CDH12: variants seen among roughly 807,000 people sequenced by gnomAD.
The protein encoded by CDH12 is cadherin-12.
Under a neutral mutation model 74.1 loss-of-function variants are expected in CDH12, and 41 were observed. The observed-to-expected ratio is 0.55, with a 90% CI of 0.43 to 0.72. CDH12 has a LOEUF of 0.72. Ranked by LOEUF, CDH12 falls within the 30% of genes least tolerant of loss-of-function variation. CDH12 has a pLI of 0.00. For missense variants in CDH12, 945 were observed against 977.2 expected (o/e 0.97, Z 0.44); for synonymous variants, 399 against 355.0 (o/e 1.12, Z -1.39).
chr5:22,596,946 C>T (rs747292108), intron 1 of CDH12, among the ~76,000 whole-genome samples: 14 of 152,102 alleles, frequency 9.2e-5, no homozygotes, highest in Non-Finnish European at 1.5e-4. Flanking sequence ...ATATCCAGGG[C>T]CAAAGCCTGT....
At chr5:22,630,977 A>G (rs1260750925) in intron 1 of CDH12, among the ~76,000 whole-genome samples, 1 of 152,194 alleles carries the variant, frequency 6.6e-6, no homozygotes, top group African/African-American at 2.4e-5. Context: ...TTGTGGGAAA[A>G]GTGCATGGAC....
intron 1 of CDH12, among the ~76,000 whole-genome samples, chr5:22,787,465 T>C (rs1249404907): frequency 6.6e-6 from 1 of 152,132 alleles, no homozygotes; most frequent in African/African-American, 2.4e-5. Flanking sequence ...TTATGAATTT[T>C]TGTGCTAATC....
At chr5:22,727,508 ATTG>A (rs751767931) in intron 1 of CDH12, among the ~76,000 whole-genome samples, 135 of 151,662 alleles carry the variant, frequency 8.9e-4, no homozygotes, top group Admixed American at 1.3e-3. Context: ...TATATATGAC[ATTG>A]TTGTTTATAT....
At chr5:22,748,477 A>G (rs992381047) in intron 1 of CDH12, among the ~76,000 whole-genome samples, 1 of 152,148 alleles carries the variant, frequency 6.6e-6, no homozygotes, top group Non-Finnish European at 1.5e-5. Context: ...GTCTCAAAAC[A>G]TTGACCTGCT....
At chr5:22,717,895 C>G (rs1202540567) in intron 1 of CDH12, among the ~76,000 whole-genome samples, 2 of 152,056 alleles carry the variant, frequency 1.3e-5, no homozygotes, top group Non-Finnish European at 2.9e-5. Flanking sequence ...TGCCTAAAAA[C>G]TAATATCTAC....
At chr5:22,265,501 G>A (rs769273750) in intron 3 of CDH12, among the ~76,000 whole-genome samples, 5 of 152,092 alleles carry the variant, frequency 3.3e-5, no homozygotes, top group Non-Finnish European at 7.4e-5. Flanking sequence ...TCTCTCGTAT[G>A]TAGTTTTCTT....
intron 3 of CDH12, among the ~76,000 whole-genome samples, chr5:22,216,728 C>T (rs1430255841): frequency 2.0e-5 from 3 of 151,736 alleles, no homozygotes; most frequent in South Asian, 2.1e-4. Context: ...TTTTTGATTC[C>T]GGTTTCACGC....
intron 2 of CDH12, among the ~76,000 whole-genome samples, chr5:22,438,390 T>C (rs1190433036): frequency 6.6e-6 from 1 of 152,018 alleles, no homozygotes; most frequent in Non-Finnish European, 1.5e-5. Context: ...GGAAGTGTTA[T>C]TGCGTGAATG....
chr5:21,950,333 C>A (rs1338256520), intron 6 of CDH12, among the ~76,000 whole-genome samples: 1 of 152,058 alleles, frequency 6.6e-6, no homozygotes, highest in Non-Finnish European at 1.5e-5. Flanking sequence ...AGTGATGCAA[C>A]ATTGTATTTA....
At chr5:22,192,348 A>G (rs1750354237) in intron 4 of CDH12, among the ~76,000 whole-genome samples, 1 of 152,192 alleles carries the variant, frequency 6.6e-6, no homozygotes, top group Non-Finnish European at 1.5e-5. Context: ...CAAATCTGTA[A>G]AGACGAAATT....
At chr5:22,014,939 A>G (rs576871808) in intron 5 of CDH12, among the ~76,000 whole-genome samples, 17 of 152,292 alleles carry the variant, frequency 1.1e-4, no homozygotes, top group Admixed American at 1.1e-3. Context: ...AGTTATAAAT[A>G]TGTATGCATA....
intron 1 of CDH12, among the ~76,000 whole-genome samples, chr5:22,565,977 C>T (rs1003622512): frequency 5.3e-5 from 8 of 151,932 alleles, no homozygotes; most frequent in African/African-American, 1.5e-4. Flanking sequence ...CCATGGAAGC[C>T]GATTTCTAAA....
At chr5:22,818,773 T>C (rs1242036333) in intron 1 of CDH12, among the ~76,000 whole-genome samples, 1 of 152,116 alleles carries the variant, frequency 6.6e-6, no homozygotes, top group Admixed American at 6.6e-5. Context: ...CAAAGTACCT[T>C]GGGGTTGTTT....
chr5:22,431,694 A>T (rs1007765444), intron 2 of CDH12, among the ~76,000 whole-genome samples: 4 of 152,208 alleles, frequency 2.6e-5, no homozygotes, highest in Non-Finnish European at 5.9e-5. Flanking sequence ...AGTGATGTTG[A>T]TGATGCTGAC....
chr5:22,714,366 G>C (rs1035625510), intron 1 of CDH12, among the ~76,000 whole-genome samples: 4 of 152,124 alleles, frequency 2.6e-5, no homozygotes, highest in African/African-American at 9.7e-5. Flanking sequence ...ATATGACCTA[G>C]GAATGCATAC....
At chr5:22,480,312 G>T (rs1424742561) in intron 2 of CDH12, among the ~76,000 whole-genome samples, 2 of 151,728 alleles carry the variant, frequency 1.3e-5, no homozygotes, top group East Asian at 1.9e-4. Context: ...GTGGAGTGTG[G>T]TGGCTCACGC....
chr5:22,202,195 C>CTTCCTTCCTTCCTTCT (rs1750967432), intron 4 of CDH12, among the ~76,000 whole-genome samples: 1 of 121,858 alleles, frequency 8.2e-6, no homozygotes, highest in African/African-American at 2.9e-5. Flanking sequence ...TCCTTCCTTC[C>CTTCCTTCCTTCCTTCT]TTCCTTCTTT....
At chr5:22,437,380 T>C (rs1206822790) in intron 2 of CDH12, among the ~76,000 whole-genome samples, 5 of 151,934 alleles carry the variant, frequency 3.3e-5, no homozygotes, top group African/African-American at 1.2e-4. Context: ...ATTTTTAAGT[T>C]ATATTTGATT....
intron 3 of CDH12, among the ~76,000 whole-genome samples, chr5:22,300,873 C>T (rs777219752): frequency 6.6e-5 from 10 of 152,156 alleles, no homozygotes; most frequent in Non-Finnish European, 1.0e-4. Context: ...AAGGTTAAAA[C>T]TATTTTCCCA....
Sources: gnomAD v4.1 joint callset for allele counts (sites outside exome capture counted in the v4.1 genomes callset) on GRCh38, gnomAD v4.1.1 for gene constraint, MANE v1.5 for transcripts, NCBI Gene and HGNC (gene_info 2026-07-23, HGNC 2026-07-21) for gene names.